Variants in RIT2 observed in about 807,000 individuals in gnomAD.
The protein encoded by RIT2 is GTP-binding protein Rit2.
In RIT2, 24 loss-of-function variants were observed where a neutral mutation model predicts 23.7. The ratio of observed to expected loss-of-function variants is 1.01; its 90% CI spans 0.73 to 1.43. The LOEUF (loss-of-function observed/expected upper bound fraction) is 1.43. RIT2 is among the 40% of genes most tolerant of loss of function. RIT2 has a pLI of 0.00. For missense variants in RIT2, 236 were observed against 266.9 expected (o/e 0.88, Z 0.81); for synonymous variants, 107 against 91.1 (o/e 1.17, Z -0.99).
At chr18:43,101,456 A>C (rs188611922) in intron 1 of RIT2, among the ~76,000 whole-genome samples, 75 of 152,356 alleles carry the variant, frequency 4.9e-4, no homozygotes, top group African/African-American at 1.8e-3. Flanking sequence ...ATAAAGGTAT[A>C]TAAATTATAC....
intron 1 of RIT2, among the ~76,000 whole-genome samples, chr18:43,067,750 A>G (rs1295242627): frequency 6.6e-6 from 1 of 152,122 alleles, no homozygotes; most frequent in African/African-American, 2.4e-5. Flanking sequence ...TTAATGTTAA[A>G]TGCTGGTCAG....
intron 2 of RIT2, among the ~76,000 whole-genome samples, chr18:43,002,198 G>A (rs1288822189): frequency 6.6e-6 from 1 of 151,962 alleles, no homozygotes; most frequent in East Asian, 1.9e-4. Context: ...AGAAGTTGGA[G>A]TTCAATGTTT....
intron 4 of RIT2, among the ~76,000 whole-genome samples, chr18:42,914,777 C>A (rs1051247574): frequency 2.0e-5 from 3 of 151,828 alleles, no homozygotes; most frequent in African/African-American, 7.3e-5. Context: ...ACATGTATAA[C>A]CAGTGAAATA....
chr18:42,982,146 A>G (rs1244362177), intron 2 of RIT2, among the ~76,000 whole-genome samples: 2 of 152,202 alleles, frequency 1.3e-5, no homozygotes, highest in East Asian at 3.9e-4. Context: ...GAGTACCAAG[A>G]AAGCCAACTC....
Position 43,083,865 on chromosome 18 carries a change from C to A in RIT2, c.103+31552G>T, listed in dbSNP as rs377012023. ...TAAAACACAAAAAGCAATGGCAACA[C>A]AAGCCAAAATTGACAAATGAGATCT... On this transcript the variant is annotated intron_variant, in intron 1 of 4. Transcript: ENST00000326695. Among the ~76,000 whole-genome samples, 521 of 152,068 alleles carry A rather than the reference C, an allele frequency of 3.4e-3. 2 individuals carry two copies. Among genetic ancestry groups the A allele is most frequent in the African/African-American group, 0.012 (485 of 41,504 alleles).
chr18:43,048,845 C>T (rs190798037), intron 1 of RIT2, among the ~76,000 whole-genome samples: 1 of 152,000 alleles, frequency 6.6e-6, no homozygotes, highest in African/African-American at 2.4e-5. Flanking sequence ...ATGAATACAC[C>T]TTGTTTGATG....
At chr18:42,915,946 T>A (rs1476442105) in intron 4 of RIT2, among the ~76,000 whole-genome samples, 1 of 151,822 alleles carries the variant, frequency 6.6e-6, no homozygotes, top group African/African-American at 2.4e-5. Flanking sequence ...GTATATATAT[T>A]TTTTTCTTTT....
intron 4 of RIT2, among the ~76,000 whole-genome samples, chr18:42,773,476 C>T (rs778514018): frequency 7.9e-5 from 12 of 152,272 alleles, no homozygotes; most frequent in African/African-American, 1.4e-4. Context: ...TTTTTAACAA[C>T]GGTGGACTTG....
chr18:42,953,086 CATTT>C lies in RIT2; in HGVS notation c.234+20984_234+20987del, dbSNP rs552289933. 5.3e-3 allele frequency among the ~76,000 whole-genome samples: 798 copies of C among 151,890 alleles called. 7 individuals are homozygous for C. The highest frequency in any genetic ancestry group is 6.1e-3 in the Admixed American group (93 of 15,246). ...TTCAATCTACAAAATCAGTCTCATT[CATTT>C]GTTTATTTTGTTTCTTCCCAAAATG... On this transcript the variant is annotated intron_variant, in intron 3 of 4. Transcript: ENST00000326695.
At chr18:42,890,458 G>T (rs1013120315) in intron 4 of RIT2, among the ~76,000 whole-genome samples, 5 of 147,580 alleles carry the variant, frequency 3.4e-5, no homozygotes, top group Admixed American at 3.4e-4. Context: ...TTCTTTAAAT[G>T]CCACAGAAGG....
At chr18:42,906,646 A>G (rs752258723) in intron 4 of RIT2, among the ~76,000 whole-genome samples, 2 of 152,282 alleles carry the variant, frequency 1.3e-5, no homozygotes, top group African/African-American at 2.4e-5. Context: ...GATAATTTTA[A>G]TTGCAGATTA....
intron 3 of RIT2, among the ~76,000 whole-genome samples, chr18:42,964,679 G>T (rs1442454478): frequency 6.6e-6 from 1 of 152,044 alleles, no homozygotes; most frequent in Non-Finnish European, 1.5e-5. Flanking sequence ...CTTTAAATTT[G>T]GAGCCTCAAA....
At chr18:42,849,287 C>G (rs185195829) in intron 4 of RIT2, among the ~76,000 whole-genome samples, 21 of 152,292 alleles carry the variant, frequency 1.4e-4, no homozygotes, top group African/African-American at 5.1e-4. Context: ...CTATTATATA[C>G]CACCTAAATC....
At chr18:42,854,978 C>G (rs1197407453) in intron 4 of RIT2, among the ~76,000 whole-genome samples, 1 of 152,118 alleles carries the variant, frequency 6.6e-6, no homozygotes, top group African/African-American at 2.4e-5. Context: ...TTCTCCCTTA[C>G]TGGAGTAGGT....
chr18:43,033,821 G>A lies in RIT2; in HGVS notation c.150C>T (p.Asp50=), dbSNP rs1333858073. The A allele has an allele frequency of 3.7e-6, 6 of 1,607,418 alleles. No individual in the cohort carries two copies. The highest frequency in any genetic ancestry group is 2.6e-6 in the Non-Finnish European group (3 of 1,174,538). The change falls in exon 2 of 5, where the codon GAC becomes GAT. Residue 50 remains aspartate (D), a synonymous_variant. Transcript: ENST00000326695. ...GAAGCTTCCACTTACCTATAGTAGG[G>A]TCATGATAATCAGGGAACTGATGAC... ...FISHQFPDYH[D]PTIEDAYKTQ...
chr18:43,005,654 A>G (rs1304125484), intron 2 of RIT2, among the ~76,000 whole-genome samples: 1 of 151,706 alleles, frequency 6.6e-6, no homozygotes, highest in African/African-American at 2.4e-5. Flanking sequence ...CTCTCCCTCA[A>G]TTTCCTCATT....
At chr18:42,846,750 T>C (rs1906920414) in intron 4 of RIT2, among the ~76,000 whole-genome samples, 1 of 152,136 alleles carries the variant, frequency 6.6e-6, no homozygotes, top group Non-Finnish European at 1.5e-5. Flanking sequence ...TAAAAATATT[T>C]AATTAACAAA....
chr18:42,996,173 G>A (rs1910979250), intron 2 of RIT2, among the ~76,000 whole-genome samples: 1 of 151,946 alleles, frequency 6.6e-6, no homozygotes, highest in African/African-American at 2.4e-5. Flanking sequence ...AATTCTAAAT[G>A]ACAAATGTTT....
At chr18:42,785,106 A>G (rs1019991494) in intron 4 of RIT2, among the ~76,000 whole-genome samples, 5 of 152,106 alleles carry the variant, frequency 3.3e-5, no homozygotes, top group Non-Finnish European at 7.4e-5. Flanking sequence ...TTATTTATCC[A>G]TTCATAGTCA....
Sources: gnomAD v4.1 joint callset for allele counts (sites outside exome capture counted in the v4.1 genomes callset) on GRCh38, gnomAD v4.1.1 for gene constraint, MANE v1.5 for transcripts, NCBI Gene and HGNC (gene_info 2026-07-23, HGNC 2026-07-21) for gene names.